Variants in CTNNA2 observed in about 807,000 individuals in gnomAD.
CTNNA2 encodes the protein catenin alpha-2.
Under a neutral mutation model 101.0 loss-of-function variants are expected in CTNNA2, and 42 were observed. The observed-to-expected ratio is 0.42, with a 90% CI of 0.32 to 0.54. The LOEUF is 0.54. Among genes scored for constraint, CTNNA2 ranks in the 20% least tolerant of loss-of-function variants. The pLI is 0.14. For missense variants in CTNNA2, 871 were observed against 1,223.1 expected (o/e 0.71, Z 4.29); for synonymous variants, 450 against 456.4 (o/e 0.99, Z 0.18).
At chr2:79,860,546 G>GTTTTTTTTTGT (rs1681521961) in intron 4 of CTNNA2, among the ~76,000 whole-genome samples, 1 of 107,180 alleles carries the variant, frequency 9.3e-6, no homozygotes, top group Non-Finnish European at 1.7e-5. Flanking sequence ...AGTAAGGGAA[G>GTTTTTTTTTGT]TTTTTTTTTT....
At chr2:79,716,329 A>G (rs911010744) in intron 2 of CTNNA2, among the ~76,000 whole-genome samples, 1 of 152,240 alleles carries the variant, frequency 6.6e-6, no homozygotes, top group Non-Finnish European at 1.5e-5. Context: ...CCGGTTTGTT[A>G]CATAGGTAAA....
At chr2:80,377,342 A>T (rs2149343032) in intron 7 of CTNNA2, among the ~76,000 whole-genome samples, 1 of 152,286 alleles carries the variant, frequency 6.6e-6, no homozygotes, top group Non-Finnish European at 1.5e-5. Context: ...CAGGGTAAGG[A>T]ATTTGCTTAT....
At chr2:79,399,632 G>A (rs1678269256) in intron 4 of CTNNA2, among the ~76,000 whole-genome samples, 1 of 151,768 alleles carries the variant, frequency 6.6e-6, no homozygotes, top group Admixed American at 6.6e-5. Flanking sequence ...GGTGTGTGGG[G>A]GTGATCATCT....
In CTNNA2 at chr2:79,793,201, G is replaced by A. The variant is rs77235789; in HGVS notation, c.298+48619G>A. Among the ~76,000 whole-genome samples, 67 of 152,324 alleles carry A rather than the reference G, an allele frequency of 4.4e-4. 2 individuals carry two copies. In the East Asian group the frequency reaches 0.013, roughly 29 times the overall value. ...TCTGCAGCATGTGCAGTATTGCAGT[G>A]CCAGCAAGCTAACTTGCCAGTTTCA... On this transcript the variant is annotated intron_variant, in intron 3 of 18. Coordinates refer to ENST00000402739, the MANE Select transcript of CTNNA2 (RefSeq NM_001282597.3).
At position 79,311,676 on chromosome 2, in the gene CTNNA2, G is replaced by A. The variant is rs149564566; in HGVS notation, c.-405-1033G>A. Among the ~76,000 whole-genome samples the A allele has an allele frequency of 1.2e-3, 177 of 151,998 alleles. 4 individuals carry two copies. The East Asian group carries it at 0.032, about 28-fold the overall frequency. ...AGTGATCTCATACTATTCTACTACT[G>A]CTACAAACCCCCACTCGGTGCTCCC... On this transcript the variant is annotated intron_variant, in intron 2 of 21. Transcript: ENST00000466387.
intron 7 of CTNNA2, among the ~76,000 whole-genome samples, chr2:80,228,829 A>G (rs13417174): frequency 0.12 from 18,349 of 152,200 alleles, 2,586 homozygotes; most frequent in African/African-American, 0.34. Flanking sequence ...TTATTCCCTT[A>G]TGATTGGACT....
intron 3 of CTNNA2, among the ~76,000 whole-genome samples, chr2:79,372,976 C>T (rs9309549): frequency 0.82 from 124,036 of 152,164 alleles, 51,072 homozygotes; most frequent in African/African-American, 0.92. Flanking sequence ...ATATAGCTCC[C>T]TACAAATGGA....
chr2:79,546,129 G>A (rs1323916757), intron 1 of CTNNA2, among the ~76,000 whole-genome samples: 5 of 152,108 alleles, frequency 3.3e-5, no homozygotes, highest in Non-Finnish European at 5.9e-5. Flanking sequence ...TAACATTAGA[G>A]TTAGCCTTGT....
At chr2:80,317,177 G>A (rs1271100675) in intron 7 of CTNNA2, among the ~76,000 whole-genome samples, 1 of 152,146 alleles carries the variant, frequency 6.6e-6, no homozygotes, top group Non-Finnish European at 1.5e-5. Context: ...ATGAAGAGAT[G>A]GGAAGGAGGA....
intron 7 of CTNNA2, among the ~76,000 whole-genome samples, chr2:80,019,383 G>A (rs574454365): frequency 6.6e-6 from 1 of 152,172 alleles, no homozygotes; most frequent in Non-Finnish European, 1.5e-5. Flanking sequence ...AGGAGAAATT[G>A]TATCTACTTC....
intron 2 of CTNNA2, among the ~76,000 whole-genome samples, chr2:79,716,140 C>G (rs573814483): frequency 1.3e-5 from 2 of 152,094 alleles, no homozygotes; most frequent in East Asian, 3.9e-4. Flanking sequence ...TGTACAGGGC[C>G]AGGGTGGAGT....
chr2:79,429,082 G>A (rs1026290495), intron 4 of CTNNA2, among the ~76,000 whole-genome samples: 1 of 152,080 alleles, frequency 6.6e-6, no homozygotes, highest in African/African-American at 2.4e-5. Context: ...ATGTCTCCTT[G>A]TTTATTTATT....
chr2:79,752,258 T>TC (rs200272867), intron 3 of CTNNA2, among the ~76,000 whole-genome samples: 2,703 of 152,056 alleles, frequency 0.018, 38 homozygotes, highest in South Asian at 0.054. Flanking sequence ...GGGAAAGCAA[T>TC]CCCCTGAAAA....
At chr2:79,966,428 GTCTT>G (rs1403057995) in intron 7 of CTNNA2, among the ~76,000 whole-genome samples, 1 of 152,086 alleles carries the variant, frequency 6.6e-6, no homozygotes, top group Non-Finnish European at 1.5e-5. Context: ...TAGAGATAAA[GTCTT>G]TCTATGTTGT....
At chr2:80,553,783 TC>T (rs1466467541) in intron 11 of CTNNA2, among the ~76,000 whole-genome samples, 1 of 152,190 alleles carries the variant, frequency 6.6e-6, no homozygotes, top group African/African-American at 2.4e-5. Context: ...AAGAGAAGCT[TC>T]TTTTAATCAA....
At chr2:79,320,242 A>G (rs1387613215) in intron 3 of CTNNA2, among the ~76,000 whole-genome samples, 1 of 146,366 alleles carries the variant, frequency 6.8e-6, no homozygotes. Context: ...TTCTCATAGT[A>G]CCTACCTTTA....
At chr2:80,194,295 G>A (rs1706699275) in intron 7 of CTNNA2, among the ~76,000 whole-genome samples, 2 of 152,290 alleles carry the variant, frequency 1.3e-5, no homozygotes, top group East Asian at 3.9e-4. Context: ...AGATTAGGAG[G>A]CTTTAAGCCG....
chr2:79,527,403 C>T (rs1489144657), intron 1 of CTNNA2, among the ~76,000 whole-genome samples: 8 of 143,344 alleles, frequency 5.6e-5, no homozygotes, highest in Non-Finnish European at 1.0e-4. Flanking sequence ...GAGGCCAAGG[C>T]GGTGGATCAC....
chr2:79,291,444 T>C (rs889494389), intron 2 of CTNNA2, among the ~76,000 whole-genome samples: 3 of 152,202 alleles, frequency 2.0e-5, no homozygotes, highest in Non-Finnish European at 4.4e-5. Context: ...GGGCCTATCC[T>C]GCTGAGGTAT....
Sources: allele counts gnomAD v4.1 joint callset (sites outside exome capture counted in the v4.1 genomes callset), GRCh38; gene constraint gnomAD v4.1.1; transcripts MANE v1.5; gene names NCBI Gene and HGNC (gene_info 2026-07-23, HGNC 2026-07-21).